Variants in TACR1 observed in about 807,000 individuals in gnomAD.
TACR1 encodes substance-P receptor.
In TACR1, 25 loss-of-function variants were observed where a neutral mutation model predicts 35.8. The ratio of observed to expected loss-of-function variants is 0.70; its 90% CI spans 0.51 to 0.98. The LOEUF is 0.98. Ranked by LOEUF, TACR1 falls within the 50% of genes least tolerant of loss-of-function variation. The pLI, the probability that TACR1 is intolerant of heterozygous loss-of-function variation, is 0.00. For missense variants in TACR1, 478 were observed against 522.9 expected, an observed-to-expected ratio of 0.91 and a Z score of 0.84; for synonymous variants, 195 against 206.7, an observed-to-expected ratio of 0.94 and a Z score of 0.48.
intron 2 of TACR1, among the ~76,000 whole-genome samples, chr2:75,059,811 C>T (rs1407729473): frequency 6.6e-6 from 1 of 152,212 alleles, no homozygotes; most frequent in Admixed American, 6.5e-5. Flanking sequence ...TGAGCAGCCT[C>T]GTTCCTCCTG....
At chr2:75,102,675 T>A (rs969982912) in intron 2 of TACR1, among the ~76,000 whole-genome samples, 16 of 152,060 alleles carry the variant, frequency 1.1e-4, no homozygotes, top group African/African-American at 2.7e-4. Flanking sequence ...AGAAAAAAAA[T>A]TATTTATATA....
intron 1 of TACR1, among the ~76,000 whole-genome samples, chr2:75,166,312 T>C (rs1270265957): frequency 6.6e-6 from 1 of 152,142 alleles, no homozygotes; most frequent in Non-Finnish European, 1.5e-5. Flanking sequence ...ATGAAAAGTA[T>C]CACAAATCAA....
At chr2:75,051,481 C>T (rs1296709111) in intron 3 of TACR1, 34 bp from the exon 4 acceptor site, 1 of 1,611,584 alleles carries the variant, frequency 6.2e-7, no homozygotes, top group Non-Finnish European at 8.5e-7. Flanking sequence ...AGACCACCAG[C>T]ACATCCCCCT....
At chr2:75,152,051 T>C (rs974615390) in intron 1 of TACR1, among the ~76,000 whole-genome samples, 2 of 152,196 alleles carry the variant, frequency 1.3e-5, no homozygotes, top group African/African-American at 4.8e-5. Context: ...CCCCATTGTG[T>C]CTAGGCAGTA....
chr2:75,168,097 C>A (rs114341250), intron 1 of TACR1, among the ~76,000 whole-genome samples: 1 of 152,220 alleles, frequency 6.6e-6, no homozygotes, highest in East Asian at 1.9e-4. Context: ...GAAGTTTGCC[C>A]TGTGGAAATA....
intron 1 of TACR1, among the ~76,000 whole-genome samples, chr2:75,179,354 C>G (rs1387897228): frequency 6.6e-6 from 1 of 152,202 alleles, no homozygotes; most frequent in Non-Finnish European, 1.5e-5. Flanking sequence ...ACCATAATCT[C>G]TTTCCTGGGG....
chr2:75,161,006 C>T (rs1314071025), intron 1 of TACR1, among the ~76,000 whole-genome samples: 3 of 151,936 alleles, frequency 2.0e-5, no homozygotes, highest in Non-Finnish European at 4.4e-5. Context: ...AACAGAGCCA[C>T]ATTTACAAAA....
rs202008537 is a variant in TACR1, at chr2:75,051,143, T to C, written c.932+108A>G. On this transcript the variant is annotated intron_variant, in intron 4 of 4. Transcript: ENST00000305249. ...ATAAGTTAGCTGCAGTCCCCACTTG[T>C]CCCTCTTGTCTCACAGCTGGGTTTA... is the stretch of plus-strand genomic sequence containing the variant. 546 of 1,410,614 alleles carry C rather than the reference T, an allele frequency of 3.9e-4. 1 individual carries two copies. Among genetic ancestry groups the C allele is most frequent in the Non-Finnish European group, 4.9e-4 (497 of 1,007,490 alleles). The allele number at this position is 1,410,614 out of a possible 1,614,324, so 87.4% of individuals were successfully genotyped here.
At chr2:75,097,721 G>A (rs1373806926) in intron 2 of TACR1, among the ~76,000 whole-genome samples, 1 of 152,110 alleles carries the variant, frequency 6.6e-6, no homozygotes, top group African/African-American at 2.4e-5. Context: ...TTAAATCCAA[G>A]AGATATTTTG....
chr2:75,161,058 A>C (rs1421187356), intron 1 of TACR1, among the ~76,000 whole-genome samples: 1 of 151,948 alleles, frequency 6.6e-6, no homozygotes, highest in Non-Finnish European at 1.5e-5. Flanking sequence ...TTGTCTACCT[A>C]AGTTGTGCTA....
intron 1 of TACR1, among the ~76,000 whole-genome samples, chr2:75,153,369 C>T (rs1388427802): frequency 1.3e-5 from 2 of 149,994 alleles, no homozygotes; most frequent in African/African-American, 2.5e-5. Context: ...TTATGAAAGA[C>T]TGCTTCTCAG....
chr2:75,068,003 C>G (rs1048221412), intron 2 of TACR1, among the ~76,000 whole-genome samples: 3 of 152,210 alleles, frequency 2.0e-5, no homozygotes, highest in African/African-American at 7.2e-5. Context: ...GCTGCACTTT[C>G]ATCTGGGCAA....
intron 2 of TACR1, among the ~76,000 whole-genome samples, chr2:75,083,845 C>G (rs1014299686): frequency 2.0e-5 from 3 of 152,140 alleles, no homozygotes; most frequent in Non-Finnish European, 4.4e-5. Flanking sequence ...ATGGGGTTTT[C>G]TAGATATACA....
intron 1 of TACR1, chr2:75,156,089 A>C (rs1674845315): frequency 6.6e-6 from 1 of 152,400 alleles, no homozygotes; most frequent in Admixed American, 6.5e-5. Flanking sequence ...CATATTGTCT[A>C]TGGCTGCTTT....
rs1037660107 is a variant in TACR1 at position 75,136,555 on chromosome 2, C to T, written c.390-15787G>A. 8.5e-5 allele frequency among the ~76,000 whole-genome samples: 13 copies of T among 152,248 alleles called. No homozygotes were observed. The East Asian group carries it at 2.3e-3, about 27-fold the overall frequency. ...GTCTAGGGCCTGAATGAAGGTGGAA[C>T]TGGGCTGCCTTCCCCCTCCTCCAGC... On this transcript the variant is annotated intron_variant, in intron 1 of 4. Transcript: ENST00000305249.
intron 2 of TACR1, among the ~76,000 whole-genome samples, chr2:75,064,261 T>C (rs1407528743): frequency 6.6e-6 from 1 of 152,148 alleles, no homozygotes; most frequent in Admixed American, 6.5e-5. Flanking sequence ...AGGGCAGTAA[T>C]GGTGTTTGAG....
chr2:75,172,175 C>T (rs2058860), intron 1 of TACR1, among the ~76,000 whole-genome samples: 69,502 of 152,024 alleles, frequency 0.46, 17,816 homozygotes, highest in Non-Finnish European at 0.56. Context: ...TTACAAACCC[C>T]ATTGTTTTCT....
Position 75,049,707 on chromosome 2 carries a change from T to G in TACR1, c.949A>C (p.Lys317Gln), listed in dbSNP as rs778544609. 1.4e-5 allele frequency: 23 copies of G among 1,613,306 alleles called. No individual in the cohort carries two copies. Among genetic ancestry groups the G allele is most frequent in the Middle Eastern group, 3.3e-4 (2 of 6,082 alleles). ...AAGGGGCAGCACCGGAAGGCATGCT[T>G]GAAGCCCAGACGGAACCTGGAGAGC... ...CLNDRFRLGF[K>Q]HAFRCCPFIS... Residue 317 changes from lysine (K) to glutamine (Q), a missense_variant, in exon 5 of 5, where the codon AAG becomes CAG. Transcript: ENST00000305249.
chr2:75,095,948 A>G (rs568621105), intron 2 of TACR1, among the ~76,000 whole-genome samples: 3 of 152,304 alleles, frequency 2.0e-5, no homozygotes, highest in Admixed American at 1.3e-4. Flanking sequence ...GTGAGTGAGA[A>G]ATAAAGTTTT....
Sources: allele counts gnomAD v4.1 joint callset (sites outside exome capture counted in the v4.1 genomes callset), GRCh38; gene constraint gnomAD v4.1.1; transcripts MANE v1.5; gene names NCBI Gene and HGNC (gene_info 2026-07-23, HGNC 2026-07-21).